Variants in HJURP observed in about 807,000 individuals in gnomAD.
HJURP encodes the protein Holliday junction recognition protein, also known as 14-3-3-associated AKT substrate.
In HJURP, 49 loss-of-function variants were observed where a neutral mutation model predicts 72.0. The observed-to-expected ratio is 0.68, with a 90% CI of 0.54 to 0.86. HJURP has a LOEUF of 0.86. Among genes scored for constraint, HJURP ranks in the 40% least tolerant of loss-of-function variants. The probability of loss-of-function intolerance (pLI) is 0.00; values close to 1 mark genes in which losing one functional copy is unlikely to be tolerated. For synonymous variants in HJURP, 357 were observed against 347.1 expected, an observed-to-expected ratio of 1.03 and a Z score of -0.32; for missense variants, 908 against 936.3, an observed-to-expected ratio of 0.97 and a Z score of 0.39.
At chr2:233,851,965 T>C (rs986961010) in intron 3 of HJURP, among the ~76,000 whole-genome samples, 2 of 152,180 alleles carry the variant, frequency 1.3e-5, no homozygotes, top group Middle Eastern at 6.8e-3. Context: ...CAAAAGCCAC[T>C]GTGGCAAAAG....
chr2:233,837,317 T>TA lies in HJURP; in HGVS notation c.*259dup. The TA allele has an allele frequency of 3.7e-6, 1 of 272,134 alleles. No individual in the cohort carries two copies. The highest frequency in any genetic ancestry group is 6.5e-6 in the Non-Finnish European group (1 of 154,182). 16.9% of individuals were successfully genotyped at this position (272,134 alleles called of 1,614,324 possible). On this transcript the variant is annotated 3_prime_UTR_variant, in exon 9 of 9. Transcript: ENST00000411486. ...ACAAACAAACAAACAAACAAACAAATAACCCCCCCCCAAAAAAAACACACA... is the reference window on the plus strand; with the variant it reads ...ACAAACAAACAAACAAACAAACAAATAAACCCCCCCCCAAAAAAAACACACA...
At chr2:233,851,828 C>T (rs525359) in intron 3 of HJURP, among the ~76,000 whole-genome samples, 90,500 of 151,990 alleles carry the variant, frequency 0.6, 28,030 homozygotes, top group Middle Eastern at 0.76. Context: ...TTCAAATTTG[C>T]TGTTAATATC....
chr2:233,844,580 C>G (rs757739559), intron 6 of HJURP, among the ~76,000 whole-genome samples: 1 of 152,186 alleles, frequency 6.6e-6, no homozygotes, highest in African/African-American at 2.4e-5. Context: ...GCATTATACT[C>G]AGACCACAAG....
intron 7 of HJURP, among the ~76,000 whole-genome samples, chr2:233,842,909 G>A (rs756183623): frequency 6.6e-6 from 1 of 152,200 alleles, no homozygotes; most frequent in Non-Finnish European, 1.5e-5. Flanking sequence ...TCAGGGCAGG[G>A]GTGAAGAAGT....
chr2:233,852,923 G>A (rs1705530533), intron 2 of HJURP, among the ~76,000 whole-genome samples: 1 of 152,016 alleles, frequency 6.6e-6, no homozygotes, highest in Admixed American at 6.6e-5. Flanking sequence ...ATATATAGAG[G>A]GCAATCTATA....
At position 233,841,821 on chromosome 2, in the gene HJURP, GAGC is replaced by G; in HGVS notation, c.956_958del (p.Ser319_Ser320delinsThr). On this transcript the variant is annotated inframe_deletion, in exon 8 of 9. Coordinates refer to ENST00000411486, the MANE Select transcript of HJURP (RefSeq NM_018410.5). ...AGAGCAGGGTATGAAGTTCTCCTTGGAGCTCCTCTGAGAACGTCTGGCTCCTTT... is the reference window on the plus strand; with the variant it reads ...AGAGCAGGGTATGAAGTTCTCCTTGGTCCTCTGAGAACGTCTGGCTCCTTT... 6.2e-7 allele frequency: 1 copy of G among 1,614,084 alleles called. No homozygotes were observed. Among genetic ancestry groups the G allele is most frequent in the Non-Finnish European group, 8.5e-7 (1 of 1,179,988 alleles).
chr2:233,839,492 G>C (rs766147423), intron 8 of HJURP, among the ~76,000 whole-genome samples: 3 of 152,260 alleles, frequency 2.0e-5, no homozygotes, highest in Non-Finnish European at 2.9e-5. Context: ...AAGACAGAGT[G>C]ACAGTGAGAA....
chr2:233,843,769 G>A lies in HJURP; in HGVS notation c.574+436C>T, dbSNP rs182800857. On this transcript the variant is annotated intron_variant, in intron 7 of 8. Coordinates refer to ENST00000411486, the MANE Select transcript of HJURP (RefSeq NM_018410.5). ...GTTCAATTTCTGGCCTGTGTTAAGC[G>A]TACTGTAGTCATAAAGGAGAATTAG... Among the ~76,000 whole-genome samples the A allele has an allele frequency of 4.5e-4, 69 of 152,290 alleles. 1 individual carries two copies. The highest frequency in any genetic ancestry group is 3.4e-3 in the Middle Eastern group (1 of 294).
intron 8 of HJURP, among the ~76,000 whole-genome samples, chr2:233,840,061 G>A (rs534914056): frequency 1.5e-4 from 22 of 149,628 alleles, no homozygotes; most frequent in South Asian, 1.1e-3. Context: ...GACATGATTC[G>A]CACAAATTAA....
intron 8 of HJURP, 55 bp downstream of exon 8, chr2:233,840,554 G>C (rs142137307): frequency 3.3e-6 from 5 of 1,503,054 alleles, no homozygotes; most frequent in Admixed American, 4.6e-5. Context: ...AAAAGCCTCT[G>C]TCCAAAGAGC....
At position 233,848,158 on chromosome 2, in the gene HJURP, G is replaced by A. The variant is rs188487845; in HGVS notation, c.338-697C>T. 2.0e-5 allele frequency among the ~76,000 whole-genome samples: 3 copies of A among 152,200 alleles called. No homozygotes were observed. In the East Asian group the frequency reaches 5.8e-4, roughly 29 times the overall value. On this transcript the variant is annotated intron_variant, in intron 4 of 8. Coordinates refer to ENST00000411486, the MANE Select transcript of HJURP (RefSeq NM_018410.5). The stretch of plus-strand genomic sequence containing the variant: ...AACTATTGGTGTAGGCAAGGTGCCA[G>A]GAAAGGGACTGGGCAGAGGGGGACA...
chr2:233,839,392 G>A (rs1216394151), intron 8 of HJURP, among the ~76,000 whole-genome samples: 2 of 152,248 alleles, frequency 1.3e-5, no homozygotes, highest in Admixed American at 1.3e-4. Flanking sequence ...GGAGTAGGGG[G>A]AGAATGCCAG....
At chr2:233,852,667 G>A in intron 2 of HJURP, 47 bp from the exon 3 acceptor site, 1 of 1,373,246 alleles carries the variant, frequency 7.3e-7, no homozygotes, top group Non-Finnish European at 1.0e-6. Context: ...CCTGAACGCT[G>A]AACTTCTGCT....
intron 2 of HJURP, among the ~76,000 whole-genome samples, chr2:233,853,286 A>G (rs2124979891): frequency 1.3e-5 from 2 of 152,346 alleles, no homozygotes; most frequent in South Asian, 4.1e-4. Context: ...AAGTGTCACC[A>G]GCTATTTACC....
At position 233,846,883 on chromosome 2, in the gene HJURP, G is replaced by A. The variant is rs1396353662; in HGVS notation, c.402+514C>T. On this transcript the variant is annotated intron_variant, in intron 5 of 8. Coordinates refer to ENST00000411486, the MANE Select transcript of HJURP (RefSeq NM_018410.5). This position sits in a 1 kb window ranked among gnomAD's most constrained non-coding sequence, Gnocchi z 4.3. Reference sequence around the variant, plus strand: ...TAAGAAGCACATCCCATAAGAAAACGGGTGGTTTCTGTGACCCAGGGGGCA... The same window carrying A: ...TAAGAAGCACATCCCATAAGAAAACAGGTGGTTTCTGTGACCCAGGGGGCA... 2.6e-5 allele frequency among the ~76,000 whole-genome samples: 4 copies of A among 152,144 alleles called. No homozygotes were observed. Among genetic ancestry groups the A allele is most frequent in the Non-Finnish European group, 5.9e-5 (4 of 68,024 alleles).
rs1705369095 is a variant in HJURP at position 233,846,657 on chromosome 2, C to T, written c.402+740G>A. ...TCTCTCAGTGAGCATCCACTTTCTTCCCCAGGACCACGGCCTTTTTCTTAG... is the reference window on the plus strand; with the variant it reads ...TCTCTCAGTGAGCATCCACTTTCTTTCCCAGGACCACGGCCTTTTTCTTAG... On this transcript the variant is annotated intron_variant, in intron 5 of 8. Coordinates refer to ENST00000411486, the MANE Select transcript of HJURP (RefSeq NM_018410.5). The surrounding 1 kb of genome is among the most constrained non-coding windows in gnomAD (Gnocchi z 4.3). Among the ~76,000 whole-genome samples, 1 of 152,130 alleles carries T rather than the reference C, an allele frequency of 6.6e-6. No individual in the cohort carries two copies. Among genetic ancestry groups the T allele is most frequent in the African/African-American group, 2.4e-5 (1 of 41,404 alleles).
intron 4 of HJURP, among the ~76,000 whole-genome samples, chr2:233,848,987 T>C (rs1273204041): frequency 6.6e-6 from 1 of 152,078 alleles, no homozygotes; most frequent in Non-Finnish European, 1.5e-5. Flanking sequence ...TTAAATGCAA[T>C]GGAGAGCGCA....
chr2:233,847,025 A>G (rs2124971307), intron 5 of HJURP, among the ~76,000 whole-genome samples: 1 of 152,102 alleles, frequency 6.6e-6, no homozygotes, highest in Non-Finnish European at 1.5e-5. Context: ...TCCCTAGAAC[A>G]CCTCTCTTTT....
rs56896619 is a variant in HJURP, at chr2:233,844,975, T to C, written c.496-692A>G. ...CTCTCATGCCATCACATCCCCCCCC[T>C]CCCAACATGACCTCTCAGCAGGCGG... On this transcript the variant is annotated intron_variant, in intron 6 of 8. Coordinates refer to ENST00000411486, the MANE Select transcript of HJURP (RefSeq NM_018410.5). 1.6e-3 allele frequency among the ~76,000 whole-genome samples: 168 copies of C among 106,146 alleles called. 1 individual carries two copies. Among genetic ancestry groups the C allele is most frequent in the East Asian group, 7.8e-3 (31 of 3,964 alleles). The allele number at this position is 106,146 out of a possible 152,430, so 69.6% of individuals were successfully genotyped here.
Sources: allele counts gnomAD v4.1 joint callset (sites outside exome capture counted in the v4.1 genomes callset), GRCh38; gene constraint gnomAD v4.1.1; non-coding constraint Gnocchi (gnomAD v3.1); transcripts MANE v1.5; gene names NCBI Gene and HGNC (gene_info 2026-07-23, HGNC 2026-07-21).